The following HDAC8 variants were observed in gnomAD, a reference collection of about 807,000 sequenced individuals.
The protein encoded by HDAC8 is histone deacetylase-like 1.
HDAC8 carries 1 observed loss-of-function variant against 32.2 expected under a neutral mutation model. That is an observed-to-expected ratio of 0.03 (90% confidence interval 0.01 to 0.15). The LOEUF is 0.15. HDAC8 is among the 10% of genes least tolerant of loss of function. HDAC8 has a pLI of 1.00. For synonymous variants in HDAC8, 108 were observed against 113.9 expected, an observed-to-expected ratio of 0.95 and a Z score of 0.33; for missense variants, 117 against 300.0, an observed-to-expected ratio of 0.39 and a Z score of 4.51.
At chrX:72,368,925 C>T (rs1464888410) in intron 9 of HDAC8, among the ~76,000 whole-genome samples, 1 of 112,224 alleles carries the variant, frequency 8.9e-6, no homozygotes, top group Non-Finnish European at 1.9e-5. Context: ...ATATGTTACA[C>T]ATGCTTCTTC....
intron 9 of HDAC8, among the ~76,000 whole-genome samples, chrX:72,428,805 C>T (rs782564495): frequency 7.2e-5 from 8 of 111,817 alleles, no homozygotes; most frequent in African/African-American, 2.6e-4. Flanking sequence ...CTTCACTGCT[C>T]TTCCCTTGCT....
At chrX:72,465,475 G>A (rs1327833020) in intron 7 of HDAC8, among the ~76,000 whole-genome samples, 1 of 109,205 alleles carries the variant, frequency 9.2e-6, no homozygotes, top group Non-Finnish European at 1.9e-5. Flanking sequence ...ATGTCAATGT[G>A]ACAGATGACC....
intron 9 of HDAC8, among the ~76,000 whole-genome samples, chrX:72,431,523 T>G (rs1555977426): frequency 9.3e-6 from 1 of 107,974 alleles, no homozygotes. Context: ...TACATCCTTC[T>G]TTTTTTTTTC....
At chrX:72,540,365 G>T (rs1281795138) in intron 4 of HDAC8, among the ~76,000 whole-genome samples, 1 of 112,308 alleles carries the variant, frequency 8.9e-6, no homozygotes, top group Admixed American at 9.4e-5. Flanking sequence ...TTATGAGTCA[G>T]ATACTGGACT....
intron 9 of HDAC8, among the ~76,000 whole-genome samples, chrX:72,446,733 C>T (rs1226136558): frequency 9.1e-6 from 1 of 110,084 alleles, no homozygotes; most frequent in Non-Finnish European, 1.9e-5. Flanking sequence ...CAAATAGACA[C>T]AATAAAAAAT....
At chrX:72,343,808 T>C (rs1204459563) in intron 10 of HDAC8, among the ~76,000 whole-genome samples, 1 of 112,568 alleles carries the variant, frequency 8.9e-6, no homozygotes, top group Non-Finnish European at 1.9e-5. Context: ...GCCTGGCTTA[T>C]CTATTCTATT....
At chrX:72,471,382 A>G (rs1249056566) in intron 7 of HDAC8, among the ~76,000 whole-genome samples, 1 of 112,295 alleles carries the variant, frequency 8.9e-6, no homozygotes, top group East Asian at 2.8e-4. Context: ...GTCATGTGGC[A>G]ACTCTATGTT....
At chrX:72,383,652 C>T (rs896248979) in intron 9 of HDAC8, among the ~76,000 whole-genome samples, 19 of 110,490 alleles carry the variant, frequency 1.7e-4, no homozygotes, top group African/African-American at 5.9e-4. Context: ...GGGCGGATCA[C>T]GAGGTCAGGA....
chrX:72,405,837 G>T (rs185015837), intron 9 of HDAC8, among the ~76,000 whole-genome samples: 1 of 111,477 alleles, frequency 9.0e-6, no homozygotes, highest in Non-Finnish European at 1.9e-5. Context: ...GATGTATAAA[G>T]CTTCATTGAG....
At chrX:72,500,675 T>G (rs1224728717) in intron 4 of HDAC8, among the ~76,000 whole-genome samples, 1 of 112,080 alleles carries the variant, frequency 8.9e-6, no homozygotes. Context: ...TCATACTGAA[T>G]GGGCAAAAGC....
chrX:72,367,269 C>T (rs781856541), intron 9 of HDAC8, among the ~76,000 whole-genome samples: 1 of 112,259 alleles, frequency 8.9e-6, no homozygotes, highest in African/African-American at 3.2e-5. Context: ...TGTGTGAGTG[C>T]CTCCTCTGCC....
intron 7 of HDAC8, among the ~76,000 whole-genome samples, chrX:72,468,303 A>G (rs1389502433): frequency 9.0e-6 from 1 of 111,330 alleles, no homozygotes; most frequent in East Asian, 2.8e-4. Context: ...GTTGGCAAAA[A>G]GGGTATTGAA....
At chrX:72,411,824 G>A (rs1048121308) in intron 9 of HDAC8, among the ~76,000 whole-genome samples, 1 of 112,039 alleles carries the variant, frequency 8.9e-6, no homozygotes, top group Non-Finnish European at 1.9e-5. Flanking sequence ...AAATCAGGGA[G>A]AATCGCCAAA....
At chrX:72,520,388 T>C (rs1444287968) in intron 4 of HDAC8, among the ~76,000 whole-genome samples, 2 of 112,187 alleles carry the variant, frequency 1.8e-5, no homozygotes, top group Non-Finnish European at 3.8e-5. Flanking sequence ...AGAACTGTTT[T>C]TTCCAACTTT....
chrX:72,526,282 T>A (rs1037963409), intron 4 of HDAC8, among the ~76,000 whole-genome samples: 1 of 108,489 alleles, frequency 9.2e-6, no homozygotes, highest in Admixed American at 9.8e-5. Context: ...TACCCTCTCT[T>A]TTTTTTTTAC....
chrX:72,356,044 T>C (rs1412773416), intron 9 of HDAC8, among the ~76,000 whole-genome samples: 1 of 112,372 alleles, frequency 8.9e-6, no homozygotes, highest in East Asian at 2.8e-4. Context: ...TTTTAATAGA[T>C]TGACTAACTT....
intron 9 of HDAC8, among the ~76,000 whole-genome samples, chrX:72,456,964 C>G (rs1237957505): frequency 9.0e-6 from 1 of 110,799 alleles, no homozygotes; most frequent in Non-Finnish European, 1.9e-5. Context: ...ACAAAAAAAC[C>G]TTGACCAAGT....
rs10632030 is a variant in HDAC8 at position 72,338,686 on chromosome X, AATAT to A, written c.1112-8614_1112-8611del. Among the ~76,000 whole-genome samples the A allele has an allele frequency of 4.8e-3, 443 of 92,254 alleles. 3 individuals carry two copies. Among genetic ancestry groups the A allele is most frequent in the African/African-American group, 0.015 (371 of 25,504 alleles). 80.1% of individuals were successfully genotyped at this position (92,254 alleles called of 115,157 possible). Reference sequence around the variant, plus strand: ...AAATATATATAAATATATATATACAAATATATATATATATATTTATATATATATA... The same window carrying A: ...AAATATATATAAATATATATATACAAATATATATATATTTATATATATATA... On this transcript the variant is annotated intron_variant, in intron 10 of 10. Transcript: ENST00000373573.
At chrX:72,529,976 C>T (rs2050277696) in intron 4 of HDAC8, among the ~76,000 whole-genome samples, 1 of 112,051 alleles carries the variant, frequency 8.9e-6, no homozygotes, top group African/African-American at 3.2e-5. Flanking sequence ...CTCCTTTGTC[C>T]CTCTGCCAAG....
Sources: allele counts gnomAD v4.1 joint callset (sites outside exome capture counted in the v4.1 genomes callset), GRCh38; gene constraint gnomAD v4.1.1; transcripts MANE v1.5; gene names NCBI Gene and HGNC (gene_info 2026-07-23, HGNC 2026-07-21).